The following DOC2A variants were observed in gnomAD, a reference collection of about 807,000 sequenced individuals.
The protein encoded by DOC2A is double C2-like domain-containing protein alpha.
Under a neutral mutation model 40.6 loss-of-function variants are expected in DOC2A, and 28 were observed. The observed-to-expected ratio is 0.69, with a 90% CI of 0.51 to 0.95. The LOEUF is 0.95. Ranked by LOEUF, DOC2A falls within the 40% of genes least tolerant of loss-of-function variation. The pLI, the probability that DOC2A is intolerant of heterozygous loss-of-function variation, is 0.00. For missense variants in DOC2A, 474 were observed against 552.5 expected (o/e 0.86, Z 1.42); for synonymous variants, 241 against 236.9 (o/e 1.02, Z -0.16).
upstream of DOC2A, chr16:30,023,149 T>G: frequency 2.0e-6 from 1 of 489,810 alleles, no homozygotes; most frequent in African/African-American, 1.9e-5. Flanking sequence ...CTGCCACCAT[T>G]ATGGTTTTAT....
chr16:30,013,837 C>T (rs1017146335), upstream of DOC2A, among the ~76,000 whole-genome samples: 1 of 151,870 alleles, frequency 6.6e-6, no homozygotes, highest in African/African-American at 2.4e-5. Flanking sequence ...GCCTCAGCCT[C>T]CCAAGTAGCT....
In DOC2A at chr16:30,005,779, G is replaced by A. The variant is rs1324724244; in HGVS notation, c.*407C>T. 4.2e-6 allele frequency: 2 copies of A among 471,532 alleles called. No homozygotes were observed. The highest frequency in any genetic ancestry group is 4.1e-5 in the Admixed American group (1 of 24,404). The allele number at this position is 471,532 out of a possible 1,614,324, so 29.2% of individuals were successfully genotyped here. The stretch of plus-strand genomic sequence containing the variant: ...TTTCAATGAAGTTTCTGTATTAAAG[G>A]AGTGGCTCTGGGTTTGTTTTTTGTC... On this transcript the variant is annotated 3_prime_UTR_variant, in exon 11 of 11. Transcript: ENST00000350119.
chr16:30,007,042 A>G lies in DOC2A; in HGVS notation c.703T>C (p.Tyr235His). The change falls in exon 7 of 11, where the codon TAT becomes CAT. Residue 235 changes from tyrosine to histidine, a missense_variant. By Grantham distance (83) the Tyr-to-His change is moderately conservative. Coordinates refer to ENST00000350119, the MANE Select transcript of DOC2A (RefSeq NM_003586.3). ...MSAALRGISC[Y>H]LKELEQAEQG... ...ATGAGGTGCCTCACCTCCTTCAGATAACAGGAGATGCCCCTCAGCGCCGCT... is the reference window on the plus strand; with the variant it reads ...ATGAGGTGCCTCACCTCCTTCAGATGACAGGAGATGCCCCTCAGCGCCGCT... The G allele has an allele frequency of 6.2e-7, 1 of 1,613,788 alleles. No individual in the cohort carries two copies. The highest frequency in any genetic ancestry group is 8.5e-7 in the Non-Finnish European group (1 of 1,179,946).
chr16:30,006,400 G>A lies in DOC2A; in HGVS notation c.1057+13C>T. ...TGCCCGCCCTCAACACCCGCAGCCA[G>A]CTCCTCCCTCACCAATGAAGTCATT... On this transcript the variant is annotated intron_variant, in intron 10 of 10. Coordinates refer to ENST00000350119, the MANE Select transcript of DOC2A (RefSeq NM_003586.3). This position sits in a 1 kb window ranked among gnomAD's most constrained non-coding sequence, Gnocchi z 6.2. The A allele has an allele frequency of 6.2e-7, 1 of 1,613,624 alleles. No individual in the cohort carries two copies. The highest frequency in any genetic ancestry group is 8.5e-7 in the Non-Finnish European group (1 of 1,179,894).
chr16:30,007,136 C>A, intron 6 of DOC2A, 37 bp downstream of exon 6: 1 of 1,613,678 alleles, frequency 6.2e-7, no homozygotes, highest in South Asian at 1.1e-5. Context: ...CTCCCCAGGG[C>A]CCCCTCCCCT....
Position 30,010,203 on chromosome 16 carries a change from TC to T in DOC2A, c.19del (p.Asp7IlefsTer3). 3 of 1,613,930 alleles carry T rather than the reference TC, an allele frequency of 1.9e-6. No homozygotes were observed. Among genetic ancestry groups the T allele is most frequent in the Non-Finnish European group, 1.7e-6 (2 of 1,179,952 alleles). On this transcript the variant is annotated frameshift_variant, in exon 2 of 11. Transcript: ENST00000350119. LOFTEE classifies it high-confidence loss of function. This position sits in a 1 kb window ranked among gnomAD's most constrained non-coding sequence, Gnocchi z 4.2. ...CTCCTGGATGTTGATGGTCATGCGA[TC>T]GCCCCTGCGGCCCCTCATGCAGCAC... is the stretch of plus-strand genomic sequence containing the variant. MRGRRG[D>X]RMTINIQEHM...
At chr16:30,015,214 C>G (rs985880240), upstream of DOC2A, 12 of 152,170 alleles carry the variant, frequency 7.9e-5, no homozygotes, top group African/African-American at 2.9e-4. Flanking sequence ...TACTTTTCAA[C>G]GTACATCCTT....
chr16:30,011,408 G>A (rs1226081383), upstream of DOC2A: 2 of 985,112 alleles, frequency 2.0e-6, no homozygotes, highest in South Asian at 9.4e-5. Flanking sequence ...CAGAATCGCC[G>A]GGTGTTCCCC....
In DOC2A at chr16:30,010,526, T is replaced by C. The variant is rs902400555; in HGVS notation, c.-13-291A>G. 2 of 474,842 alleles carry C rather than the reference T, an allele frequency of 4.2e-6. No homozygotes were observed. The highest frequency in any genetic ancestry group is 7.8e-6 in the Non-Finnish European group (2 of 257,426). The allele number at this position is 474,842 out of a possible 1,614,324, so 29.4% of individuals were successfully genotyped here. On this transcript the variant is annotated intron_variant, in intron 1 of 10. Coordinates refer to ENST00000350119, the MANE Select transcript of DOC2A (RefSeq NM_003586.3). The surrounding 1 kb of genome is among the most constrained non-coding windows in gnomAD (Gnocchi z 4.2). ...GTCCCTGTATCATCTTGCCAGCTCC[T>C]TCCTCTCCTCCGGGGCTCCCCTCTG...
At position 30,009,081 on chromosome 16, in the gene DOC2A, G is replaced by C. The variant is rs200073865; in HGVS notation, c.442C>G (p.Gln148Glu). ...CKANKLKTKTQRNTLNPVWNE... is the reference protein window; with the variant it reads ...CKANKLKTKTERNTLNPVWNE... ...CACACGGGATTCAGTGTGTTCCTCT[G>C]AGTCTTCGTTTTTAGCTTATTGGCC... The change falls in exon 5 of 11, where the codon CAG becomes GAG. Residue 148 changes from glutamine to glutamate, a missense_variant. Coordinates refer to ENST00000350119, the MANE Select transcript of DOC2A (RefSeq NM_003586.3). This position sits in a 1 kb window ranked among gnomAD's most constrained non-coding sequence, Gnocchi z 4.1. 2 of 1,613,994 alleles carry C rather than the reference G, an allele frequency of 1.2e-6. No homozygotes were observed.
At chr16:30,023,127 TA>T, upstream of DOC2A, 1 of 472,414 alleles carries the variant, frequency 2.1e-6, no homozygotes, top group Non-Finnish European at 3.9e-6. Flanking sequence ...CTCCTCTTTG[TA>T]AATGCTGGGG....
intron 1 of DOC2A, among the ~76,000 whole-genome samples, chr16:30,019,174 T>C (rs1567288948): frequency 6.6e-6 from 1 of 151,984 alleles, no homozygotes; most frequent in Non-Finnish European, 1.5e-5. Context: ...AAAAATTAGC[T>C]GGGTGTGGTG....
chr16:30,007,784 T>C, intron 5 of DOC2A: 1 of 258,980 alleles, frequency 3.9e-6, no homozygotes, highest in Non-Finnish European at 7.6e-6. Context: ...GTCCCTGCCC[T>C]GCCTCCGCAG....
Position 30,006,038 on chromosome 16 carries a change from G to A in DOC2A, c.*148C>T, listed in dbSNP as rs1045752329. On this transcript the variant is annotated 3_prime_UTR_variant, in exon 11 of 11. Transcript: ENST00000350119. The surrounding 1 kb of genome is among the most constrained non-coding windows in gnomAD (Gnocchi z 6.2). ...AATATAGAACTCCGCAGCCCCTCAT[G>A]AGCAGACAGACCCGGGTCACGGAGA... 3 of 889,938 alleles carry A rather than the reference G, an allele frequency of 3.4e-6. No homozygotes were observed. Among genetic ancestry groups the A allele is most frequent in the Non-Finnish European group, 1.7e-6 (1 of 600,094 alleles). 55.1% of individuals were successfully genotyped at this position (889,938 alleles called of 1,614,324 possible).
chr16:30,023,199 T>A, upstream of DOC2A: 1 of 674,598 alleles, frequency 1.5e-6, no homozygotes, highest in African/African-American at 1.8e-5. Flanking sequence ...GGTCCCAACC[T>A]CTCTTCTCCT....
In DOC2A at chr16:30,005,597, C is replaced by A; in HGVS notation, c.*589G>T. The A allele has an allele frequency of 1.4e-6, 1 of 733,968 alleles. No individual in the cohort carries two copies. Among genetic ancestry groups the A allele is most frequent in the Non-Finnish European group, 2.2e-6 (1 of 446,598 alleles). 45.5% of individuals were successfully genotyped at this position (733,968 alleles called of 1,614,324 possible). On this transcript the variant is annotated 3_prime_UTR_variant, in exon 11 of 11. Coordinates refer to ENST00000350119, the MANE Select transcript of DOC2A (RefSeq NM_003586.3). Reference sequence around the variant, plus strand: ...AAAAGGCGTAAACATGCACGGGTGTCCCCCAGGAGGGTGGCAGGGGCCCTG... The same window carrying A: ...AAAAGGCGTAAACATGCACGGGTGTACCCCAGGAGGGTGGCAGGGGCCCTG...
Position 30,005,578 on chromosome 16 carries a change from C to G in DOC2A, c.*608G>C, listed in dbSNP as rs560196995. 35 of 851,168 alleles carry G rather than the reference C, an allele frequency of 4.1e-5. No homozygotes were observed. The allele number at this position is 851,168 out of a possible 1,614,324, so 52.7% of individuals were successfully genotyped here. A position where few individuals can be genotyped will look rare whatever the true frequency, so the allele number is the denominator to read the frequency against. On this transcript the variant is annotated 3_prime_UTR_variant, in exon 11 of 11. Transcript: ENST00000350119. Reference sequence around the variant, plus strand: ...CGGCCACTGACACAACCAGAAAAGGCGTAAACATGCACGGGTGTCCCCCAG... The same window carrying G: ...CGGCCACTGACACAACCAGAAAAGGGGTAAACATGCACGGGTGTCCCCCAG...
chr16:30,015,569 G>A (rs1242198456), upstream of DOC2A, among the ~76,000 whole-genome samples: 2 of 151,984 alleles, frequency 1.3e-5, no homozygotes, highest in African/African-American at 2.4e-5. Flanking sequence ...CGCCTGCCTC[G>A]GCCTCCCAAA....
At chr16:30,016,848 G>A (rs918912053), upstream of DOC2A, among the ~76,000 whole-genome samples, 237 of 152,274 alleles carry the variant, frequency 1.6e-3, 1 homozygote, top group African/African-American at 4.1e-3. Flanking sequence ...CCCCATCCAG[G>A]GAAACTGACG....
Sources: allele counts gnomAD v4.1 joint callset (sites outside exome capture counted in the v4.1 genomes callset), GRCh38; gene constraint gnomAD v4.1.1; non-coding constraint Gnocchi (gnomAD v3.1); transcripts MANE v1.5; gene names NCBI Gene and HGNC (gene_info 2026-07-23, HGNC 2026-07-21).